Variants in SOX6 observed in about 807,000 individuals in gnomAD.
SOX6 encodes SRY-box transcription factor 6.
Under a neutral mutation model 97.8 loss-of-function variants are expected in SOX6, and 11 were observed. The observed-to-expected ratio is 0.11, with a 90% CI of 0.07 to 0.19. SOX6 has a LOEUF of 0.19. Among genes scored for constraint, SOX6 ranks in the 10% least tolerant of loss-of-function variants. The pLI is 1.00. For missense variants in SOX6, 810 were observed against 1,039.5 expected, an observed-to-expected ratio of 0.78 and a Z score of 3.04; for synonymous variants, 360 against 371.4, an observed-to-expected ratio of 0.97 and a Z score of 0.35.
intron 13 of SOX6, 121 bp from the exon 14 acceptor site, chr11:15,989,351 C>T (rs1226634122): frequency 1.4e-6 from 1 of 737,252 alleles, no homozygotes; most frequent in African/African-American, 1.8e-5. Context: ...TTCTAAGTGA[C>T]TTCTTGGAAG....
intron 3 of SOX6, among the ~76,000 whole-genome samples, chr11:16,665,016 A>G (rs1007022907): frequency 3.3e-5 from 5 of 151,944 alleles, no homozygotes; most frequent in African/African-American, 1.2e-4. Flanking sequence ...TGCTGACTAA[A>G]GAGCCCTTGG....
chr11:16,639,779 A>G (rs1336980050), intron 3 of SOX6, among the ~76,000 whole-genome samples: 2 of 152,140 alleles, frequency 1.3e-5, no homozygotes, highest in African/African-American at 4.8e-5. Flanking sequence ...GACTTTGCTG[A>G]AGTTGCTTAT....
chr11:16,716,361 T>G lies in SOX6; in HGVS notation n.354-1456A>C, dbSNP rs139423745. ...GAGCTGGAGGCCAGCTTGGGCAACATAGAGAGAACCCATCTCTTTAAAACA... is the reference window on the plus strand; with the variant it reads ...GAGCTGGAGGCCAGCTTGGGCAACAGAGAGAGAACCCATCTCTTTAAAACA... On this transcript the variant is annotated intron_variant and non_coding_transcript_variant, in intron 2 of 5. Coordinates refer to the SOX6 transcript ENST00000524520. Among the ~76,000 whole-genome samples the G allele has an allele frequency of 3.5e-4, 54 of 152,278 alleles. No individual in the cohort carries two copies. In the East Asian group the frequency reaches 8.5e-3, roughly 24 times the overall value.
chr11:16,367,417 C>A (rs968871601), intron 1 of SOX6, among the ~76,000 whole-genome samples: 6 of 152,140 alleles, frequency 3.9e-5, no homozygotes, highest in Non-Finnish European at 7.4e-5. Flanking sequence ...ATACTGAGAT[C>A]TTTAATGATG....
In SOX6 at chr11:16,204,682, A is replaced by T. The variant is rs77062723; in HGVS notation, c.536-17727T>A. 8.5e-3 allele frequency among the ~76,000 whole-genome samples: 1,299 copies of T among 152,216 alleles called. 12 individuals carry two copies. Among genetic ancestry groups the T allele is most frequent in the African/African-American group, 0.026 (1,071 of 41,560 alleles). On this transcript the variant is annotated intron_variant, in intron 4 of 15. Transcript: ENST00000683767. ...AATCTATATCTGGAGGTGATTTTTT[A>T]AAAAATCTATCTTATCTATTAAAAA...
intron 3 of SOX6, among the ~76,000 whole-genome samples, chr11:16,284,714 G>A (rs1035651612): frequency 2.6e-5 from 4 of 152,094 alleles, no homozygotes; most frequent in African/African-American, 9.7e-5. Flanking sequence ...TCCAGGAAGT[G>A]TGGGTGCAAT....
chr11:16,246,412 T>A (rs954081201), intron 3 of SOX6, among the ~76,000 whole-genome samples: 2 of 151,874 alleles, frequency 1.3e-5, no homozygotes, highest in Non-Finnish European at 2.9e-5. Context: ...AGAAGTTTTT[T>A]AAAATTTTTA....
intron 3 of SOX6, among the ~76,000 whole-genome samples, chr11:16,639,159 T>G (rs901098168): frequency 6.6e-6 from 1 of 152,262 alleles, no homozygotes; most frequent in Non-Finnish European, 1.5e-5. Flanking sequence ...CAGCACCATT[T>G]GTTAAATAGG....
chr11:16,501,785 T>G (rs1316320691), intron 4 of SOX6, among the ~76,000 whole-genome samples: 1 of 152,212 alleles, frequency 6.6e-6, no homozygotes, highest in Non-Finnish European at 1.5e-5. Flanking sequence ...CCAGTTAGAA[T>G]GGCAATCATT....
At chr11:16,715,500 T>C (rs1392099974) in intron 2 of SOX6, among the ~76,000 whole-genome samples, 2 of 152,042 alleles carry the variant, frequency 1.3e-5, no homozygotes, top group Non-Finnish European at 2.9e-5. Flanking sequence ...CCCAAAGAAA[T>C]AGTTTATAAT....
chr11:16,662,173 C>G (rs922040851), intron 3 of SOX6, among the ~76,000 whole-genome samples: 15 of 152,244 alleles, frequency 9.9e-5, no homozygotes, highest in Non-Finnish European at 2.2e-4. Flanking sequence ...CTCCAAATAA[C>G]TTTTGAAATT....
At chr11:16,602,219 A>C (rs772264114) in intron 4 of SOX6, among the ~76,000 whole-genome samples, 1 of 152,210 alleles carries the variant, frequency 6.6e-6, no homozygotes, top group African/African-American at 2.4e-5. Flanking sequence ...ACAAAAAGCT[A>C]TCTAGTTTTG....
intron 4 of SOX6, among the ~76,000 whole-genome samples, chr11:16,230,093 A>G (rs904691377): frequency 1.3e-5 from 2 of 151,908 alleles, no homozygotes; most frequent in African/African-American, 4.8e-5. Flanking sequence ...ACAAAACCTA[A>G]TAAGATATTC....
At chr11:15,990,039 G>A (rs1853998642) in intron 13 of SOX6, among the ~76,000 whole-genome samples, 1 of 152,062 alleles carries the variant, frequency 6.6e-6, no homozygotes, top group Admixed American at 6.5e-5. Flanking sequence ...AAAGTCTGAT[G>A]GGAAGGGTAA....
intron 9 of SOX6, among the ~76,000 whole-genome samples, chr11:16,077,086 G>T (rs1294926999): frequency 6.6e-6 from 1 of 152,136 alleles, no homozygotes; most frequent in East Asian, 1.9e-4. Context: ...CAGATCTCAT[G>T]AGAACTCACT....
chr11:15,989,550 A>T (rs1853977816), intron 13 of SOX6, among the ~76,000 whole-genome samples: 1 of 152,172 alleles, frequency 6.6e-6, no homozygotes, highest in Non-Finnish European at 1.5e-5. Flanking sequence ...TTTCTTCAAA[A>T]ACATGCTCTT....
intron 6 of SOX6, among the ~76,000 whole-genome samples, chr11:16,170,540 A>C (rs1167443959): frequency 1.3e-5 from 2 of 152,006 alleles, no homozygotes; most frequent in Non-Finnish European, 2.9e-5. Context: ...CATTTTGTAA[A>C]GTGACGGTAC....
At chr11:16,425,023 A>G (rs1859097030) in intron 1 of SOX6, among the ~76,000 whole-genome samples, 1 of 152,256 alleles carries the variant, frequency 6.6e-6, no homozygotes, top group African/African-American at 2.4e-5. Flanking sequence ...GAAAGCTACT[A>G]TGGAAGTTAG....
chr11:16,163,982 G>GTGTTT (rs1222909737), intron 6 of SOX6, among the ~76,000 whole-genome samples: 6 of 152,066 alleles, frequency 3.9e-5, no homozygotes, highest in Non-Finnish European at 5.9e-5. Flanking sequence ...TCTTTTTCAG[G>GTGTTT]TGTTTTGTTT....
Sources: gnomAD v4.1 joint callset for allele counts (sites outside exome capture counted in the v4.1 genomes callset) on GRCh38, gnomAD v4.1.1 for gene constraint, MANE v1.5 for transcripts, NCBI Gene and HGNC (gene_info 2026-07-23, HGNC 2026-07-21) for gene names.